Variants in NEMP2 observed in about 807,000 individuals in gnomAD.
The protein encoded by NEMP2 is nuclear envelope integral membrane protein 2, also known as UPF0571 transmembrane protein.
In NEMP2, 53 loss-of-function variants were observed where a neutral mutation model predicts 54.2. The observed-to-expected ratio is 0.98, with a 90% CI of 0.78 to 1.23. The LOEUF (loss-of-function observed/expected upper bound fraction) is 1.23. Ranked by LOEUF, NEMP2 falls within the 50% of genes most tolerant of loss-of-function variation. The probability of loss-of-function intolerance (pLI) is 0.00; values close to 1 mark genes in which losing one functional copy is unlikely to be tolerated. For synonymous variants in NEMP2, 197 were observed against 190.3 expected (o/e 1.04, Z -0.29); for missense variants, 455 against 511.3 (o/e 0.89, Z 1.06).
the NEMP2 span, among the ~76,000 whole-genome samples, chr2:190,428,558 T>A: frequency 4.5e-3 from 678 of 152,308 alleles, 11 homozygotes; most frequent in African/African-American, 0.015. Context: ...TGTTTTATAC[T>A]TACCTGTTCA....
the NEMP2 span, among the ~76,000 whole-genome samples, chr2:190,422,466 T>G: frequency 2.0e-5 from 3 of 152,192 alleles, no homozygotes; most frequent in Non-Finnish European, 2.9e-5. Flanking sequence ...ACATAAGAGA[T>G]AAATTTTGTG....
chr2:190,459,491 T>C, the NEMP2 span, among the ~76,000 whole-genome samples: 1 of 152,232 alleles, frequency 6.6e-6, no homozygotes, highest in Non-Finnish European at 1.5e-5. This position sits in a 1 kb window ranked among gnomAD's most constrained non-coding sequence, Gnocchi z 5.3. Flanking sequence ...TGTGTGTGAA[T>C]ATGTTCAGTC....
chr2:190,524,459 A>C (rs1690860700), intron 2 of NEMP2, among the ~76,000 whole-genome samples: 1 of 152,184 alleles, frequency 6.6e-6, no homozygotes, highest in South Asian at 2.1e-4. Context: ...GCATATTATC[A>C]GCAATGGTAT....
chr2:190,597,019 T>A, the NEMP2 span, among the ~76,000 whole-genome samples: 2 of 152,132 alleles, frequency 1.3e-5, no homozygotes, highest in East Asian at 3.9e-4. The surrounding 1 kb of genome is among the most constrained non-coding windows in gnomAD (Gnocchi z 4.7). Flanking sequence ...CCCAGCACTT[T>A]GGGAAGCTGA....
At position 190,529,172 on chromosome 2, in the gene NEMP2, G is replaced by A. The variant is rs931335872; in HGVS notation, c.98-3794C>T. On this transcript the variant is annotated intron_variant, in intron 1 of 8. Coordinates refer to ENST00000409150, the MANE Select transcript of NEMP2 (RefSeq NM_001142645.2). This position sits in a 1 kb window ranked among gnomAD's most constrained non-coding sequence, Gnocchi z 4.7. ...AGCCTGGGCGACAGAGTGAGACTCT[G>A]TCTCAAAACAAAAACAAACACAAAC... Among the ~76,000 whole-genome samples the A allele has an allele frequency of 6.6e-6, 1 of 152,138 alleles. No homozygotes were observed. The highest frequency in any genetic ancestry group is 2.4e-5 in the African/African-American group (1 of 41,422).
the NEMP2 span, among the ~76,000 whole-genome samples, chr2:190,645,927 T>C: frequency 6.6e-6 from 1 of 152,232 alleles, no homozygotes; most frequent in Non-Finnish European, 1.5e-5. Context: ...CTCCTTATTT[T>C]CACTGTTTTA....
chr2:190,458,942 A>G, the NEMP2 span, among the ~76,000 whole-genome samples: 1 of 152,212 alleles, frequency 6.6e-6, no homozygotes, highest in East Asian at 1.9e-4. This position sits in a 1 kb window ranked among gnomAD's most constrained non-coding sequence, Gnocchi z 5.3. Flanking sequence ...ACAGAGAATC[A>G]TGCTTAGTTT....
the NEMP2 span, among the ~76,000 whole-genome samples, chr2:190,430,848 C>T: frequency 4.1e-5 from 6 of 145,556 alleles, no homozygotes; most frequent in Admixed American, 2.7e-4. Flanking sequence ...CGGGGGCTGA[C>T]CCCCCACCTC....
At chr2:190,552,018 C>T in the NEMP2 span, among the ~76,000 whole-genome samples, 1 of 152,178 alleles carries the variant, frequency 6.6e-6, no homozygotes. Flanking sequence ...GGAGCCCGGG[C>T]AGGTCATGTT....
chr2:190,639,671 C>T, the NEMP2 span, among the ~76,000 whole-genome samples: 13 of 148,728 alleles, frequency 8.7e-5, 1 homozygote, highest in African/African-American at 2.7e-4. Context: ...TGTTTTTTGA[C>T]GGAGTCTCAC....
At chr2:190,443,894 A>T in the NEMP2 span, among the ~76,000 whole-genome samples, 3 of 152,138 alleles carry the variant, frequency 2.0e-5, no homozygotes, top group African/African-American at 7.2e-5. The surrounding 1 kb of genome is among the most constrained non-coding windows in gnomAD (Gnocchi z 4.2). Context: ...GTCTCTACAA[A>T]AAATAACATT....
the NEMP2 span, among the ~76,000 whole-genome samples, chr2:190,425,153 A>G: frequency 1.3e-5 from 2 of 152,208 alleles, no homozygotes; most frequent in Non-Finnish European, 2.9e-5. The surrounding 1 kb of genome is among the most constrained non-coding windows in gnomAD (Gnocchi z 4.3). Context: ...GTTCATTGCT[A>G]GTATACAGAA....
At chr2:190,437,647 G>T in the NEMP2 span, 1 of 1,442,382 alleles carries the variant, frequency 6.9e-7, no homozygotes, top group Non-Finnish European at 9.3e-7. This position sits in a 1 kb window ranked among gnomAD's most constrained non-coding sequence, Gnocchi z 5.9. Flanking sequence ...CAATTTTAAG[G>T]TATTATAATT....
chr2:190,562,390 A>G, the NEMP2 span, among the ~76,000 whole-genome samples: 2 of 152,178 alleles, frequency 1.3e-5, no homozygotes, highest in African/African-American at 4.8e-5. The surrounding 1 kb of genome is among the most constrained non-coding windows in gnomAD (Gnocchi z 5.0). Flanking sequence ...CAGCCCATAG[A>G]GTGCCTCACT....
chr2:190,429,443 A>T, the NEMP2 span, among the ~76,000 whole-genome samples: 6 of 151,702 alleles, frequency 4.0e-5, no homozygotes, highest in Admixed American at 3.9e-4. Flanking sequence ...CTCCTGCCTC[A>T]GCCTCCCAAG....
chr2:190,513,067 T>C lies in NEMP2; in HGVS notation c.953+1386A>G, dbSNP rs115718888. ...TCATCAGCTCTCGCCTGGACCACTG[T>C]GATGTCTGATAACTGTTCTCCTGCC... On this transcript the variant is annotated intron_variant, in intron 7 of 8. Transcript: ENST00000409150. This position sits in a 1 kb window ranked among gnomAD's most constrained non-coding sequence, Gnocchi z 5.3. Among the ~76,000 whole-genome samples, 897 of 152,292 alleles carry C rather than the reference T, an allele frequency of 5.9e-3. 13 individuals carry two copies. The highest frequency in any genetic ancestry group is 0.019 in the African/African-American group (801 of 41,572).
At chr2:190,503,401 C>T (rs555991201), downstream of NEMP2, among the ~76,000 whole-genome samples, 3 of 152,340 alleles carry the variant, frequency 2.0e-5, no homozygotes, top group South Asian at 6.2e-4. This position sits in a 1 kb window ranked among gnomAD's most constrained non-coding sequence, Gnocchi z 6.3. Context: ...AAACAACTGA[C>T]ATGTGGCTAA....
the NEMP2 span, among the ~76,000 whole-genome samples, chr2:190,644,902 A>T: frequency 6.6e-6 from 1 of 151,948 alleles, no homozygotes; most frequent in Admixed American, 6.6e-5. This position sits in a 1 kb window ranked among gnomAD's most constrained non-coding sequence, Gnocchi z 4.4. Context: ...AATAAAAGTT[A>T]AAAAAAACAC....
chr2:190,612,582 GT>G, the NEMP2 span, among the ~76,000 whole-genome samples: 1 of 152,124 alleles, frequency 6.6e-6, no homozygotes, highest in Non-Finnish European at 1.5e-5. Context: ...CTAATTTCAT[GT>G]GTCCTGAGGG....
Sources: gnomAD v4.1 joint callset for allele counts (sites outside exome capture counted in the v4.1 genomes callset) on GRCh38, gnomAD v4.1.1 for gene constraint, Gnocchi (gnomAD v3.1) non-coding constraint, MANE v1.5 for transcripts, NCBI Gene and HGNC (gene_info 2026-07-23, HGNC 2026-07-21) for gene names.